USH2A: variants seen among roughly 807,000 people sequenced by gnomAD.
The protein encoded by USH2A is Usher syndrome 2A (autosomal recessive, mild).
Under a neutral mutation model 538.9 loss-of-function variants are expected in USH2A, and 443 were observed. That is an observed-to-expected ratio of 0.82 (90% confidence interval 0.76 to 0.89). The LOEUF (loss-of-function observed/expected upper bound fraction) is 0.89. Among genes scored for constraint, USH2A ranks in the 40% least tolerant of loss-of-function variants. The probability of loss-of-function intolerance (pLI) is 0.00; values close to 1 mark genes in which losing one functional copy is unlikely to be tolerated. For missense variants in USH2A, 6,633 were observed against 6,324.8 expected (o/e 1.05, Z -1.65); for synonymous variants, 2,413 against 2,273.5 (o/e 1.06, Z -1.75).
At chr1:216,283,386 A>T (rs2036820871) in intron 11 of USH2A, among the ~76,000 whole-genome samples, 1 of 152,218 alleles carries the variant, frequency 6.6e-6, no homozygotes, top group African/African-American at 2.4e-5. Context: ...CACCGCGCCC[A>T]GCCTGAATTT....
intron 67 of USH2A, among the ~76,000 whole-genome samples, chr1:215,643,818 G>T (rs960262573): frequency 6.6e-6 from 1 of 152,132 alleles, no homozygotes; most frequent in Non-Finnish European, 1.5e-5. Flanking sequence ...GTGTGAGCCA[G>T]TGTGCCTGGC....
At chr1:215,739,826 T>G (rs1660251927) in intron 60 of USH2A, among the ~76,000 whole-genome samples, 1 of 152,184 alleles carries the variant, frequency 6.6e-6, no homozygotes, top group Admixed American at 6.5e-5. Context: ...TCAAAGGATT[T>G]CAATATCTAA....
chr1:216,274,080 A>G (rs1219723430), intron 11 of USH2A, among the ~76,000 whole-genome samples: 1 of 152,096 alleles, frequency 6.6e-6, no homozygotes, highest in Non-Finnish European at 1.5e-5. Flanking sequence ...ACTAACATTT[A>G]AGAACTATTG....
At chr1:215,678,830 A>C (rs1266718090) in intron 62 of USH2A, among the ~76,000 whole-genome samples, 1 of 152,194 alleles carries the variant, frequency 6.6e-6, no homozygotes, top group East Asian at 1.9e-4. Flanking sequence ...TATTTCACCA[A>C]ATATTTGCTT....
At chr1:215,997,200 A>G (rs1369207063) in intron 34 of USH2A, among the ~76,000 whole-genome samples, 2 of 152,140 alleles carry the variant, frequency 1.3e-5, no homozygotes, top group African/African-American at 2.4e-5. Flanking sequence ...CCCTGAAAAT[A>G]TATTATTTTC....
intron 58 of USH2A, among the ~76,000 whole-genome samples, chr1:215,747,984 C>CTG (rs1660524772): frequency 6.6e-6 from 1 of 151,398 alleles, no homozygotes; most frequent in Non-Finnish European, 1.5e-5. Flanking sequence ...CTCCGCCTCC[C>CTG]GGGTTCACGC....
chr1:215,972,022 G>C (rs1337430651), intron 35 of USH2A, among the ~76,000 whole-genome samples: 5 of 152,156 alleles, frequency 3.3e-5, no homozygotes, highest in Non-Finnish European at 7.4e-5. Context: ...GGGTGTGTGT[G>C]AATGCCGAGT....
chr1:215,744,463 T>C (rs1215285619), intron 58 of USH2A, among the ~76,000 whole-genome samples: 1 of 152,256 alleles, frequency 6.6e-6, no homozygotes, highest in Admixed American at 6.5e-5. Flanking sequence ...AATGGCATTT[T>C]CTATTACATT....
intron 55 of USH2A, among the ~76,000 whole-genome samples, chr1:215,771,687 G>A (rs1283488258): frequency 1.4e-5 from 2 of 144,974 alleles, no homozygotes; most frequent in African/African-American, 5.2e-5. Flanking sequence ...CATGTAGTGA[G>A]ATACTGAGTC....
At chr1:215,982,532 T>C (rs941833513) in intron 35 of USH2A, among the ~76,000 whole-genome samples, 3 of 152,222 alleles carry the variant, frequency 2.0e-5, no homozygotes, top group African/African-American at 7.2e-5. Context: ...TATATTTGTA[T>C]GCTATCTTTT....
chr1:216,247,353 C>A, intron 12 of USH2A, 127 bp from the exon 13 acceptor site: 8 of 1,091,288 alleles, frequency 7.3e-6, no homozygotes, highest in Non-Finnish European at 1.1e-5. Context: ...ACAAGCAATG[C>A]CATAGGGGGC....
At chr1:216,163,317 C>T (rs2034099797) in intron 21 of USH2A, among the ~76,000 whole-genome samples, 1 of 151,774 alleles carries the variant, frequency 6.6e-6, no homozygotes. Flanking sequence ...TGAACATTTT[C>T]ATTGATTTTA....
intron 38 of USH2A, chr1:215,901,125 C>G (rs962883330): frequency 1.7e-6 from 1 of 588,158 alleles, no homozygotes; most frequent in Non-Finnish European, 3.0e-6. Flanking sequence ...AAAGCCGGCC[C>G]CCAAACAGCA....
At chr1:216,311,239 C>T (rs1454357933) in intron 9 of USH2A, among the ~76,000 whole-genome samples, 1 of 152,196 alleles carries the variant, frequency 6.6e-6, no homozygotes, top group African/African-American at 2.4e-5. Context: ...TCCCTTTAGG[C>T]ACTCATGACG....
intron 56 of USH2A, among the ~76,000 whole-genome samples, chr1:215,765,155 G>A (rs1661091865): frequency 6.6e-6 from 1 of 152,056 alleles, no homozygotes; most frequent in Non-Finnish European, 1.5e-5. Context: ...AAGAGATTCT[G>A]TTATTTTATC....
chr1:215,717,572 G>A (rs1469570234), intron 61 of USH2A, among the ~76,000 whole-genome samples: 2 of 152,052 alleles, frequency 1.3e-5, no homozygotes, highest in African/African-American at 4.8e-5. Context: ...CCAAATACAC[G>A]ACGAGTTTCA....
chr1:215,818,229 C>G (rs1164701355), intron 47 of USH2A, among the ~76,000 whole-genome samples: 1 of 151,790 alleles, frequency 6.6e-6, no homozygotes, highest in Non-Finnish European at 1.5e-5. Context: ...ATCAGCAGTC[C>G]TAACCCTTGC....
intron 20 of USH2A, among the ~76,000 whole-genome samples, chr1:216,187,137 A>G (rs1301432185): frequency 1.3e-5 from 2 of 151,916 alleles, no homozygotes; most frequent in Non-Finnish European, 2.9e-5. Flanking sequence ...TTTATCTGAA[A>G]TAGCATTTAA....
chr1:215,742,520 T>C (rs1660335112), intron 59 of USH2A, among the ~76,000 whole-genome samples: 1 of 152,148 alleles, frequency 6.6e-6, no homozygotes, highest in South Asian at 2.1e-4. Flanking sequence ...TTATACTTAA[T>C]TTAAAAGAGA....
Sources: allele counts gnomAD v4.1 joint callset (sites outside exome capture counted in the v4.1 genomes callset), GRCh38; gene constraint gnomAD v4.1.1; transcripts MANE v1.5; gene names NCBI Gene and HGNC (gene_info 2026-07-23, HGNC 2026-07-21).